PPP6R3: variants seen among roughly 807,000 people sequenced by gnomAD.
The protein encoded by PPP6R3 is serine/threonine-protein phosphatase 6 regulatory subunit 3.
Under a neutral mutation model 110.7 loss-of-function variants are expected in PPP6R3, and 38 were observed. The observed-to-expected ratio is 0.34, with a 90% CI of 0.26 to 0.45. The LOEUF is 0.45. PPP6R3 is among the 20% of genes least tolerant of loss of function. The pLI, the probability that PPP6R3 is intolerant of heterozygous loss-of-function variation, is 1.00. For synonymous variants in PPP6R3, 369 were observed against 373.5 expected, an observed-to-expected ratio of 0.99 and a Z score of 0.14; for missense variants, 870 against 1,062.4, an observed-to-expected ratio of 0.82 and a Z score of 2.52.
chr11:68,598,323 G>T (rs1421554603), intron 19 of PPP6R3, among the ~76,000 whole-genome samples: 1 of 152,170 alleles, frequency 6.6e-6, no homozygotes, highest in Non-Finnish European at 1.5e-5. Flanking sequence ...GCTGGGTATG[G>T]TTAAGTGACA....
chr11:68,580,584 C>T (rs982342733), intron 14 of PPP6R3, among the ~76,000 whole-genome samples: 5 of 151,770 alleles, frequency 3.3e-5, no homozygotes, highest in Admixed American at 2.0e-4. Flanking sequence ...ACAAGATGAC[C>T]GAGGTTTCTA....
Position 68,575,933 on chromosome 11 carries a change from C to CT in PPP6R3, c.1460-19dup, listed in dbSNP as rs763635982. The CT allele has an allele frequency of 2.4e-5, 37 of 1,549,012 alleles. No homozygotes were observed. The South Asian group carries it at 3.9e-4, about 16-fold the overall frequency. On this transcript the variant is annotated intron_variant, in intron 13 of 23. Coordinates refer to ENST00000393800, the MANE Select transcript of PPP6R3 (RefSeq NM_001164161.2). ...CGTGGAGGTCATTGTGGTGATAATG[C>CT]TTTTTTGCTTTTCTCACTCTGAAGA...
chr11:68,522,648 A>G (rs974562644), intron 2 of PPP6R3: 6 of 152,252 alleles, frequency 3.9e-5, no homozygotes, highest in Non-Finnish European at 7.3e-5. Flanking sequence ...ATGGATTTCA[A>G]AAGTCTCCAG....
intron 1 of PPP6R3, among the ~76,000 whole-genome samples, chr11:68,497,044 G>GTTTGT (rs1199112795): frequency 7.4e-6 from 1 of 135,874 alleles, no homozygotes; most frequent in Non-Finnish European, 1.6e-5. Flanking sequence ...TTGTTTGTTT[G>GTTTGT]TTTGTTTTGT....
chr11:68,564,479 G>GA, intron 9 of PPP6R3, 47 bp downstream of exon 9: 1 of 1,603,872 alleles, frequency 6.2e-7, no homozygotes, highest in South Asian at 1.1e-5. Flanking sequence ...TAATTTGGTT[G>GA]AAACAGTCAT....
chr11:68,503,704 A>C (rs1439331861), intron 1 of PPP6R3, among the ~76,000 whole-genome samples: 1 of 152,234 alleles, frequency 6.6e-6, no homozygotes, highest in African/African-American at 2.4e-5. Flanking sequence ...GCTGAGTGGT[A>C]GAGAGATCGC....
intron 1 of PPP6R3, among the ~76,000 whole-genome samples, chr11:68,461,124 G>A (rs1454878818): frequency 1.3e-5 from 2 of 150,444 alleles, no homozygotes; most frequent in Non-Finnish European, 3.0e-5. Flanking sequence ...GGCCTGGCGC[G>A]GCGGGCGGGC....
At chr11:68,465,260 A>G (rs2098737684) in intron 1 of PPP6R3, among the ~76,000 whole-genome samples, 1 of 152,166 alleles carries the variant, frequency 6.6e-6, no homozygotes, top group African/African-American at 2.4e-5. Flanking sequence ...CTGCCCATTG[A>G]GGGCACAGAT....
At chr11:68,482,145 GGAGGCC>G (rs1357259633) in intron 1 of PPP6R3, among the ~76,000 whole-genome samples, 1 of 150,728 alleles carries the variant, frequency 6.6e-6, no homozygotes, top group East Asian at 1.9e-4. Flanking sequence ...TATCACTTTG[GGAGGCC>G]GAGGCAAGCA....
intron 22 of PPP6R3, among the ~76,000 whole-genome samples, chr11:68,603,773 A>C (rs2099638972): frequency 6.6e-6 from 1 of 152,200 alleles, no homozygotes; most frequent in Non-Finnish European, 1.5e-5. Context: ...TCACAATAGA[A>C]ATTGGCTTGT....
chr11:68,564,278 C>A (rs769383940), intron 8 of PPP6R3, 25 bp from the exon 9 acceptor site: 4 of 1,581,240 alleles, frequency 2.5e-6, no homozygotes, highest in Admixed American at 3.5e-5. Context: ...ATTATAATAA[C>A]TAAAATTCCT....
intron 1 of PPP6R3, among the ~76,000 whole-genome samples, chr11:68,465,185 G>GT (rs1266070775): frequency 3.9e-5 from 6 of 152,040 alleles, no homozygotes; most frequent in Non-Finnish European, 7.4e-5. Context: ...CCTGTTTTTT[G>GT]TTTTTGTTTT....
At chr11:68,463,536 G>T (rs1450007361) in intron 1 of PPP6R3, among the ~76,000 whole-genome samples, 1 of 152,082 alleles carries the variant, frequency 6.6e-6, no homozygotes, top group Non-Finnish European at 1.5e-5. Context: ...GTGTTTGTGT[G>T]TGTGTGTGTT....
In PPP6R3 at chr11:68,537,690, C is replaced by T; in HGVS notation, c.26C>T (p.Ser9Leu). The change falls in exon 3 of 24, where the codon TCA becomes TTA. Residue 9 changes from serine to leucine, a missense_variant. Transcript: ENST00000393800. MFWKFDLH[S>L]SSHIDTLLER... is the part of the protein sequence containing the mutation. ...ATGTTTTGGAAATTTGATCTTCACT[C>T]ATCATCCCACATAGACACACTTCTA... The T allele has an allele frequency of 6.2e-7, 1 of 1,606,326 alleles. No homozygotes were observed. Among genetic ancestry groups the T allele is most frequent in the Non-Finnish European group, 8.5e-7 (1 of 1,175,964 alleles).
chr11:68,513,599 A>G (rs1274492661), intron 1 of PPP6R3, among the ~76,000 whole-genome samples: 1 of 152,248 alleles, frequency 6.6e-6, no homozygotes, highest in Non-Finnish European at 1.5e-5. Flanking sequence ...TCATAGACGT[A>G]GTGAAGACAG....
intron 1 of PPP6R3, among the ~76,000 whole-genome samples, chr11:68,498,199 T>A (rs887042777): frequency 2.6e-5 from 4 of 152,220 alleles, no homozygotes; most frequent in African/African-American, 9.6e-5. Flanking sequence ...CCAGTTGCTA[T>A]TTTACCAGCA....
intron 18 of PPP6R3, among the ~76,000 whole-genome samples, chr11:68,593,787 G>C (rs754370247): frequency 8.5e-5 from 13 of 152,196 alleles, no homozygotes; most frequent in Non-Finnish European, 1.6e-4. Context: ...GGTTGGCCAA[G>C]GCAGATGGGT....
intron 1 of PPP6R3, among the ~76,000 whole-genome samples, chr11:68,490,598 A>G (rs534125618): frequency 6.6e-6 from 1 of 151,758 alleles, no homozygotes; most frequent in South Asian, 2.1e-4. Flanking sequence ...TACCTTTTGT[A>G]GTTGTCCCAT....
chr11:68,477,810 A>G (rs1054391011), intron 1 of PPP6R3, among the ~76,000 whole-genome samples: 2 of 143,320 alleles, frequency 1.4e-5, no homozygotes, highest in South Asian at 2.2e-4. Context: ...GACATAACCA[A>G]CCCCATGGTA....
Sources: gnomAD v4.1 joint callset for allele counts (sites outside exome capture counted in the v4.1 genomes callset) on GRCh38, gnomAD v4.1.1 for gene constraint, MANE v1.5 for transcripts, NCBI Gene and HGNC (gene_info 2026-07-23, HGNC 2026-07-21) for gene names.